Variants in NDUFA10 observed in about 807,000 individuals in gnomAD.
The protein encoded by NDUFA10 is NADH:ubiquinone oxidoreductase subunit A10.
NDUFA10 carries 40 observed loss-of-function variants against 47.8 expected under a neutral mutation model. The ratio of observed to expected loss-of-function variants is 0.84; its 90% confidence interval spans 0.65 to 1.09. The LOEUF is 1.09. NDUFA10 is among the 50% of genes least tolerant of loss of function. The pLI is 0.00. For missense variants in NDUFA10, 413 were observed against 451.1 expected (o/e 0.92, Z 0.76); for synonymous variants, 183 against 172.2 (o/e 1.06, Z -0.49).
intron 4 of NDUFA10, among the ~76,000 whole-genome samples, chr2:239,932,205 G>GA (rs1247192869): frequency 6.6e-6 from 1 of 151,846 alleles, no homozygotes; most frequent in South Asian, 2.1e-4. Flanking sequence ...TATATTTTGC[G>GA]AAAAAATGGG....
intron 8 of NDUFA10, 23 bp downstream of exon 8, chr2:240,005,187 A>T: frequency 6.3e-7 from 1 of 1,593,462 alleles, no homozygotes; most frequent in Non-Finnish European, 8.6e-7. Context: ...GACATGCAGC[A>T]GCCCCCACAC....
intron 8 of NDUFA10, among the ~76,000 whole-genome samples, chr2:240,004,335 C>T (rs1380367818): frequency 2.0e-5 from 3 of 152,172 alleles, no homozygotes; most frequent in African/African-American, 4.8e-5. Context: ...CTTACCTAAT[C>T]GGTATGGTTT....
intron 9 of NDUFA10, among the ~76,000 whole-genome samples, chr2:239,966,682 T>TA (rs1395571908): frequency 1.3e-5 from 2 of 151,946 alleles, no homozygotes; most frequent in Non-Finnish European, 2.9e-5. Context: ...CCCTCACAGT[T>TA]AAGAGGGTGA....
chr2:239,960,887 C>T lies in NDUFA10; in HGVS notation c.*231G>A. 1.4e-6 allele frequency: 2 copies of T among 1,425,554 alleles called. No homozygotes were observed. Among genetic ancestry groups the T allele is most frequent in the African/African-American group, 1.4e-5 (1 of 70,304 alleles). 88.3% of individuals were successfully genotyped at this position (1,425,554 alleles called of 1,614,324 possible). A position where few individuals can be genotyped will look rare whatever the true frequency, so the allele number is the denominator to read the frequency against. ...ACTGTTTTCCAGTGAGAATGGTGGG[C>T]CATTCCAAAACAAAGCTAAAGGGTT... On this transcript the variant is annotated 3_prime_UTR_variant, in exon 10 of 10. Coordinates refer to ENST00000252711, the MANE Select transcript of NDUFA10 (RefSeq NM_004544.4).
At chr2:240,011,833 G>A in intron 5 of NDUFA10, 137 bp from the exon 6 acceptor site, 1 of 763,934 alleles carries the variant, frequency 1.3e-6, no homozygotes, top group Non-Finnish European at 2.3e-6. Flanking sequence ...GGACTGCGGG[G>A]TGACAGCAAA....
intron 4 of NDUFA10, among the ~76,000 whole-genome samples, chr2:239,941,170 G>A (rs567534945): frequency 6.6e-6 from 1 of 152,208 alleles, no homozygotes; most frequent in Non-Finnish European, 1.5e-5. Flanking sequence ...GGCAATAGAC[G>A]TATGACCCAT....
chr2:239,925,385 T>C (rs892305461), intron 4 of NDUFA10, among the ~76,000 whole-genome samples: 2 of 152,166 alleles, frequency 1.3e-5, no homozygotes, highest in African/African-American at 2.4e-5. Context: ...GTACTTCCAA[T>C]TGATGTTTGA....
rs890233432 is a variant in NDUFA10, at chr2:239,960,600, C to T, written c.*518G>A. The T allele has an allele frequency of 3.9e-6, 4 of 1,021,582 alleles. No individual in the cohort carries two copies. In the African/African-American group the frequency reaches 6.7e-5, roughly 17 times the overall value. The allele number at this position is 1,021,582 out of a possible 1,614,324, so 63.3% of individuals were successfully genotyped here. On this transcript the variant is annotated 3_prime_UTR_variant, in exon 10 of 10. Coordinates refer to ENST00000252711, the MANE Select transcript of NDUFA10 (RefSeq NM_004544.4). ...ATGTAGCACATTACTAAAATAAATA[C>T]AGTAGGCCTTTAGAAAAACTCTTCA... is the stretch of plus-strand genomic sequence containing the variant.
chr2:240,025,218 C>T lies in NDUFA10; in HGVS notation c.75+9G>A. The T allele has an allele frequency of 6.7e-7, 1 of 1,487,880 alleles. No homozygotes were observed. Among genetic ancestry groups the T allele is most frequent in the Admixed American group, 2.3e-5 (1 of 44,354 alleles). 92.2% of individuals were successfully genotyped at this position (1,487,880 alleles called of 1,614,324 possible). ...ACCCCGCCACCCTGCCACCCCGCCG[C>T]CCGCTCACCACGCGCTGGGCGCCCG... On this transcript the variant is annotated intron_variant, in intron 1 of 9. Transcript: ENST00000252711.
chr2:239,933,826 G>A (rs1574788450), intron 4 of NDUFA10, among the ~76,000 whole-genome samples: 2 of 151,430 alleles, frequency 1.3e-5, no homozygotes, highest in South Asian at 4.2e-4. Flanking sequence ...TCCATAAGCG[G>A]ATTGGATCAT....
chr2:239,975,192 T>C (rs773101799), intron 9 of NDUFA10, among the ~76,000 whole-genome samples: 19 of 152,242 alleles, frequency 1.2e-4, no homozygotes, highest in Non-Finnish European at 2.5e-4. Context: ...ATTCTCTTGC[T>C]CCTGCCTTAT....
At chr2:239,979,835 G>A (rs955424437) in intron 9 of NDUFA10, among the ~76,000 whole-genome samples, 1 of 152,060 alleles carries the variant, frequency 6.6e-6, no homozygotes, top group African/African-American at 2.4e-5. Flanking sequence ...TGCGGACCCC[G>A]GCTGACCTTG....
At chr2:239,910,452 A>G (rs1304988704) in intron 4 of NDUFA10, among the ~76,000 whole-genome samples, 1 of 152,204 alleles carries the variant, frequency 6.6e-6, no homozygotes, top group Admixed American at 6.5e-5. Flanking sequence ...ATCCTCAGTC[A>G]AACTAATGCA....
chr2:239,979,677 T>G (rs1182855089), intron 9 of NDUFA10, among the ~76,000 whole-genome samples: 1 of 152,032 alleles, frequency 6.6e-6, no homozygotes, highest in Non-Finnish European at 1.5e-5. Flanking sequence ...CTGACCGCCT[T>G]GGCCCTCTGC....
At chr2:239,965,251 G>A (rs2106399656) in intron 9 of NDUFA10, among the ~76,000 whole-genome samples, 1 of 152,008 alleles carries the variant, frequency 6.6e-6, no homozygotes, top group South Asian at 2.1e-4. Context: ...ACCCAGGAGG[G>A]TTCTCAGATC....
chr2:240,021,573 A>G lies in NDUFA10; in HGVS notation c.245-161T>C, dbSNP rs190609122. Among the ~76,000 whole-genome samples the G allele has an allele frequency of 3.7e-3, 566 of 152,314 alleles. 1 individual carries two copies. The highest frequency in any genetic ancestry group is 6.3e-3 in the Non-Finnish European group (431 of 68,026). On this transcript the variant is annotated intron_variant, in intron 2 of 9. Transcript: ENST00000252711. ...CCTACATGCCTGGGTTTCATCACGT[A>G]TGAAGGGAACACACAACATATACAA...
intron 9 of NDUFA10, among the ~76,000 whole-genome samples, chr2:239,980,054 C>A (rs2106426183): frequency 6.6e-6 from 1 of 152,274 alleles, no homozygotes; most frequent in African/African-American, 2.4e-5. Context: ...GCGTCAGGTG[C>A]CTGAGACCTC....
Position 240,022,648 on chromosome 2 carries a change from G to GTGGA in NDUFA10, c.76-312_76-309dup, listed in dbSNP as rs200230695. The stretch of plus-strand genomic sequence containing the variant: ...AAAAATTGGAGGGAGGGAGGGAGGG[G>GTGGA]TGGATGGATGGATGGATGGACGGAC... On this transcript the variant is annotated intron_variant, in intron 1 of 9. Coordinates refer to ENST00000252711, the MANE Select transcript of NDUFA10 (RefSeq NM_004544.4). 7.5e-3 allele frequency among the ~76,000 whole-genome samples: 1,140 copies of GTGGA among 151,912 alleles called. 58 individuals are homozygous for GTGGA. Among genetic ancestry groups the GTGGA allele is most frequent in the Admixed American group, 0.07 (1,059 of 15,210 alleles).
intron 9 of NDUFA10, among the ~76,000 whole-genome samples, chr2:239,988,644 T>C (rs1696103795): frequency 6.6e-6 from 1 of 152,164 alleles, no homozygotes; most frequent in Non-Finnish European, 1.5e-5. Flanking sequence ...CGAAGCCACT[T>C]GTGAAACAGA....
Sources: allele counts gnomAD v4.1 joint callset (sites outside exome capture counted in the v4.1 genomes callset), GRCh38; gene constraint gnomAD v4.1.1; transcripts MANE v1.5; gene names NCBI Gene and HGNC (gene_info 2026-07-23, HGNC 2026-07-21).